The following PRKCE variants were observed in gnomAD, a reference collection of about 807,000 sequenced individuals.
The protein encoded by PRKCE is protein kinase C epsilon.
Under a neutral mutation model 85.4 loss-of-function variants are expected in PRKCE, and 16 were observed. That is an observed-to-expected ratio of 0.19 (90% CI 0.13 to 0.28). The LOEUF is 0.28. Among genes scored for constraint, PRKCE ranks in the 10% least tolerant of loss-of-function variants. The pLI is 1.00. For missense variants in PRKCE, 573 were observed against 975.2 expected (o/e 0.59, Z 5.49); for synonymous variants, 388 against 371.5 (o/e 1.04, Z -0.51).
At chr2:45,692,875 T>C (rs1000536644) in intron 1 of PRKCE, among the ~76,000 whole-genome samples, 1 of 152,134 alleles carries the variant, frequency 6.6e-6, no homozygotes. Context: ...GGAATTTTAG[T>C]TGTAGAGAAG....
intron 1 of PRKCE, among the ~76,000 whole-genome samples, chr2:45,759,060 G>A (rs1442223610): frequency 6.6e-6 from 1 of 152,194 alleles, no homozygotes; most frequent in Non-Finnish European, 1.5e-5. Flanking sequence ...AGTGAATTTA[G>A]TTATTTATAG....
At chr2:46,044,452 T>C (rs1307991461) in intron 10 of PRKCE, among the ~76,000 whole-genome samples, 2 of 152,202 alleles carry the variant, frequency 1.3e-5, no homozygotes, top group Non-Finnish European at 2.9e-5. Context: ...GTATGAGCAC[T>C]TAATTTTTGG....
At chr2:45,715,307 A>T (rs1679996832) in intron 1 of PRKCE, among the ~76,000 whole-genome samples, 2 of 152,178 alleles carry the variant, frequency 1.3e-5, no homozygotes, top group African/African-American at 2.4e-5. Context: ...TGCTAGGCTT[A>T]AGCTCCTTGT....
At chr2:45,773,428 C>G (rs1371344223) in intron 1 of PRKCE, among the ~76,000 whole-genome samples, 1 of 152,232 alleles carries the variant, frequency 6.6e-6, no homozygotes, top group African/African-American at 2.4e-5. Flanking sequence ...CTCACAGCAG[C>G]TCTGTAAGGG....
At chr2:46,043,501 A>G (rs1708337560) in intron 10 of PRKCE, among the ~76,000 whole-genome samples, 1 of 152,248 alleles carries the variant, frequency 6.6e-6, no homozygotes, top group Middle Eastern at 3.2e-3. Context: ...GCAGTATTAT[A>G]GTATACCCCT....
intron 1 of PRKCE, among the ~76,000 whole-genome samples, chr2:45,693,747 C>T (rs1335383131): frequency 1.3e-5 from 2 of 152,052 alleles, no homozygotes; most frequent in African/African-American, 4.8e-5. Context: ...GGACCGTCAC[C>T]CCTGAGAGGT....
intron 2 of PRKCE, among the ~76,000 whole-genome samples, chr2:45,843,604 C>G (rs13035461): frequency 0.54 from 81,774 of 152,068 alleles, 22,967 homozygotes; most frequent in African/African-American, 0.7. Flanking sequence ...CCCTCTTCCT[C>G]TTACACCCTC....
chr2:46,115,836 A>C (rs1009835369), intron 11 of PRKCE, among the ~76,000 whole-genome samples: 4 of 152,302 alleles, frequency 2.6e-5, no homozygotes, highest in African/African-American at 9.6e-5. Context: ...GCTGAGAGAG[A>C]GTGACCCCAC....
intron 11 of PRKCE, among the ~76,000 whole-genome samples, chr2:46,131,232 T>TGA (rs1674418356): frequency 6.6e-6 from 1 of 152,086 alleles, no homozygotes; most frequent in Non-Finnish European, 1.5e-5. Context: ...GAGGCAGGGG[T>TGA]GAGGCTGTGG....
At chr2:45,676,744 A>T (rs1416119793) in intron 1 of PRKCE, 1 of 152,268 alleles carries the variant, frequency 6.6e-6, no homozygotes, top group Non-Finnish European at 1.5e-5. Context: ...GTGGTCAGTC[A>T]CTGCTGGTTG....
chr2:46,000,698 G>T (rs2104722515), intron 6 of PRKCE, among the ~76,000 whole-genome samples: 1 of 152,180 alleles, frequency 6.6e-6, no homozygotes, highest in Middle Eastern at 3.4e-3. Flanking sequence ...CAACGACTGG[G>T]TCCCCCTTAG....
chr2:46,124,901 G>C (rs1673699708), intron 11 of PRKCE, among the ~76,000 whole-genome samples: 1 of 152,140 alleles, frequency 6.6e-6, no homozygotes, highest in Non-Finnish European at 1.5e-5. Flanking sequence ...CGATGAATAT[G>C]GTAAGTCTTG....
intron 1 of PRKCE, among the ~76,000 whole-genome samples, chr2:45,760,957 G>T (rs530589436): frequency 1.3e-5 from 2 of 152,186 alleles, no homozygotes; most frequent in South Asian, 4.2e-4. Flanking sequence ...TATCTTAACT[G>T]GGGCATTAGA....
At chr2:45,834,327 C>T (rs1450916601) in intron 1 of PRKCE, among the ~76,000 whole-genome samples, 1 of 152,150 alleles carries the variant, frequency 6.6e-6, no homozygotes, top group Non-Finnish European at 1.5e-5. Flanking sequence ...AAGCTGTAGT[C>T]TGGGGGATTG....
At chr2:45,848,022 C>A (rs983431533) in intron 2 of PRKCE, among the ~76,000 whole-genome samples, 2 of 152,160 alleles carry the variant, frequency 1.3e-5, no homozygotes, top group African/African-American at 2.4e-5. Flanking sequence ...GCCCTCCTTG[C>A]TAGAGATGTT....
chr2:45,832,016 T>C (rs1690465993), intron 1 of PRKCE, among the ~76,000 whole-genome samples: 1 of 152,218 alleles, frequency 6.6e-6, no homozygotes, highest in Non-Finnish European at 1.5e-5. Flanking sequence ...CATTTCTGAC[T>C]CCTAAATTTC....
chr2:45,849,440 C>T (rs1009776381), intron 2 of PRKCE, among the ~76,000 whole-genome samples: 1 of 152,166 alleles, frequency 6.6e-6, no homozygotes, highest in Non-Finnish European at 1.5e-5. Context: ...CCTCTCCATC[C>T]TTTCAAAAGT....
In PRKCE at chr2:46,184,934, A is replaced by G; in HGVS notation, c.*53A>G. On this transcript the variant is annotated 3_prime_UTR_variant, in exon 15 of 15. Coordinates refer to ENST00000306156, the MANE Select transcript of PRKCE (RefSeq NM_005400.3). This position sits in a 1 kb window ranked among gnomAD's most constrained non-coding sequence, Gnocchi z 5.0. ...TGCTGCAAGAAGGGGTGCAGAGAAG[A>G]CTCCTGTGTTGGAGACACTCAGCAG... 6.3e-7 allele frequency: 1 copy of G among 1,592,186 alleles called. No homozygotes were observed. Among genetic ancestry groups the G allele is most frequent in the Non-Finnish European group, 8.5e-7 (1 of 1,175,492 alleles).
chr2:45,975,700 G>T (rs1245480164), intron 2 of PRKCE, among the ~76,000 whole-genome samples: 1 of 152,180 alleles, frequency 6.6e-6, no homozygotes, highest in Non-Finnish European at 1.5e-5. Context: ...GGCATTCTCA[G>T]TTGGTGGGGC....
Sources: gnomAD v4.1 joint callset for allele counts (sites outside exome capture counted in the v4.1 genomes callset) on GRCh38, gnomAD v4.1.1 for gene constraint, Gnocchi (gnomAD v3.1) non-coding constraint, MANE v1.5 for transcripts, NCBI Gene and HGNC (gene_info 2026-07-23, HGNC 2026-07-21) for gene names.